The following TMEM132D variants were observed in gnomAD, a reference collection of about 807,000 sequenced individuals.
TMEM132D encodes the protein transmembrane protein 132D.
TMEM132D carries 21 observed loss-of-function variants against 62.3 expected under a neutral mutation model. That is an observed-to-expected ratio of 0.34 (90% CI 0.24 to 0.49). The LOEUF (loss-of-function observed/expected upper bound fraction) is 0.49, where lower values mean the gene tolerates loss of function less well. Among genes scored for constraint, TMEM132D ranks in the 20% least tolerant of loss-of-function variants. The pLI, the probability that TMEM132D is intolerant of heterozygous loss-of-function variation, is 0.99. For missense variants in TMEM132D, 1,346 were observed against 1,402.8 expected (o/e 0.96, Z 0.65); for synonymous variants, 621 against 575.6 (o/e 1.08, Z -1.13).
At chr12:129,649,280 C>T (rs998058555) in intron 2 of TMEM132D, among the ~76,000 whole-genome samples, 1 of 152,122 alleles carries the variant, frequency 6.6e-6, no homozygotes, top group African/African-American at 2.4e-5. Flanking sequence ...ATTCCATATT[C>T]CTTCACTTTC....
intron 1 of TMEM132D, among the ~76,000 whole-genome samples, chr12:129,868,499 C>G (rs932152811): frequency 4.6e-5 from 7 of 152,198 alleles, no homozygotes; most frequent in African/African-American, 1.7e-4. Context: ...TCCAGCTGAA[C>G]CCCCTAGAAG....
intron 5 of TMEM132D, among the ~76,000 whole-genome samples, chr12:129,193,307 A>G (rs1220812052): frequency 2.6e-5 from 4 of 152,094 alleles, no homozygotes; most frequent in African/African-American, 9.7e-5. Flanking sequence ...GCTGTTGCCA[A>G]TATGTTTTCC....
intron 1 of TMEM132D, among the ~76,000 whole-genome samples, chr12:129,732,956 TG>T (rs1458595454): frequency 1.3e-5 from 2 of 152,212 alleles, no homozygotes; most frequent in Non-Finnish European, 2.9e-5. Context: ...GTGTCCCATC[TG>T]GGAAACACAT....
At chr12:129,877,653 A>T (rs7970000) in intron 1 of TMEM132D, among the ~76,000 whole-genome samples, 7 of 150,100 alleles carry the variant, frequency 4.7e-5, no homozygotes, top group South Asian at 2.2e-4. Context: ...AGAGAGAGAG[A>T]GCGCTATAAG....
chr12:129,580,924 T>G (rs1258644393), intron 2 of TMEM132D, among the ~76,000 whole-genome samples: 1 of 152,182 alleles, frequency 6.6e-6, no homozygotes, highest in Non-Finnish European at 1.5e-5. Context: ...CCATCAATTG[T>G]ACCAGTTTTC....
intron 1 of TMEM132D, among the ~76,000 whole-genome samples, chr12:129,863,883 CAG>C (rs1179888066): frequency 6.6e-6 from 1 of 152,154 alleles, no homozygotes; most frequent in East Asian, 1.9e-4. Context: ...CATCAGTCGG[CAG>C]AGTTTATCCC....
chr12:129,350,512 G>A (rs1016703561), intron 3 of TMEM132D, among the ~76,000 whole-genome samples: 5 of 152,154 alleles, frequency 3.3e-5, no homozygotes, highest in South Asian at 2.1e-4. Flanking sequence ...AGTGACCTCC[G>A]ACTCCTGTTC....
intron 5 of TMEM132D, among the ~76,000 whole-genome samples, chr12:129,120,261 A>T (rs1270481817): frequency 2.0e-5 from 3 of 152,234 alleles, no homozygotes; most frequent in Admixed American, 2.0e-4. Flanking sequence ...CAAGAGCGAA[A>T]GACATCAGCA....
chr12:129,490,423 C>CTTTTTTTT (rs11311745), intron 3 of TMEM132D, among the ~76,000 whole-genome samples: 2 of 58,552 alleles, frequency 3.4e-5, no homozygotes, highest in Non-Finnish European at 5.8e-5. Flanking sequence ...ATTTCCTTTC[C>CTTTTTTTT]TTTTTTTTTT....
chr12:129,789,383 C>T (rs1478062097), intron 1 of TMEM132D, among the ~76,000 whole-genome samples: 1 of 152,090 alleles, frequency 6.6e-6, no homozygotes, highest in African/African-American at 2.4e-5. Context: ...AGGTTGCTAC[C>T]CATAGGAAAA....
chr12:129,602,901 A>T (rs1878518936), intron 2 of TMEM132D, among the ~76,000 whole-genome samples: 1 of 152,186 alleles, frequency 6.6e-6, no homozygotes, highest in African/African-American at 2.4e-5. Flanking sequence ...AGCAAACACG[A>T]TGGAGAGGTG....
At chr12:129,380,881 A>C (rs1019515332) in intron 3 of TMEM132D, among the ~76,000 whole-genome samples, 9 of 152,240 alleles carry the variant, frequency 5.9e-5, no homozygotes, top group Non-Finnish European at 1.0e-4. Context: ...AGATTCTTCC[A>C]AGCTGTTGCA....
chr12:129,309,982 G>T (rs1357309271), intron 4 of TMEM132D, among the ~76,000 whole-genome samples: 1 of 152,090 alleles, frequency 6.6e-6, no homozygotes, highest in Non-Finnish European at 1.5e-5. Context: ...AGCATGGTCA[G>T]AAAAGGAAGC....
chr12:129,531,356 C>T, intron 2 of TMEM132D, 151 bp from the exon 3 acceptor site: 2 of 892,760 alleles, frequency 2.2e-6, no homozygotes, highest in Non-Finnish European at 1.6e-6. Flanking sequence ...TTGCAGTCGC[C>T]TTCCAACCCA....
At chr12:129,134,144 G>A (rs570072745) in intron 5 of TMEM132D, among the ~76,000 whole-genome samples, 8 of 145,770 alleles carry the variant, frequency 5.5e-5, no homozygotes, top group Admixed American at 1.3e-4. Flanking sequence ...CTGTGTGTGT[G>A]TGTCTGTGTC....
At chr12:129,508,641 G>T (rs962618180) in intron 3 of TMEM132D, among the ~76,000 whole-genome samples, 1 of 151,892 alleles carries the variant, frequency 6.6e-6, no homozygotes, top group Non-Finnish European at 1.5e-5. Context: ...TAAGAATATC[G>T]ATCTCACCAG....
chr12:129,285,539 A>AGAAAAAAAAAAAAGAG (rs1555244566), intron 4 of TMEM132D, among the ~76,000 whole-genome samples: 1 of 90,030 alleles, frequency 1.1e-5, no homozygotes, highest in African/African-American at 3.9e-5. Context: ...AAAAAAAAAA[A>AGAAAAAAAAAAAAGAG]AGAGAGAGAG....
intron 3 of TMEM132D, among the ~76,000 whole-genome samples, chr12:129,501,661 C>G (rs144307187): frequency 2.0e-5 from 3 of 152,002 alleles, no homozygotes; most frequent in Non-Finnish European, 4.4e-5. Context: ...CACACCATCA[C>G]GCCTGGCCAA....
chr12:129,079,741 C>T (rs1011354004), intron 7 of TMEM132D, among the ~76,000 whole-genome samples: 2 of 152,082 alleles, frequency 1.3e-5, no homozygotes, highest in African/African-American at 4.8e-5. Context: ...CTTTCTGGTC[C>T]GATTGGGACA....
Sources: allele counts gnomAD v4.1 joint callset (sites outside exome capture counted in the v4.1 genomes callset), GRCh38; gene constraint gnomAD v4.1.1; transcripts MANE v1.5; gene names NCBI Gene and HGNC (gene_info 2026-07-23, HGNC 2026-07-21).